FAF2: variants seen among roughly 807,000 people sequenced by gnomAD.
The protein encoded by FAF2 is Fas associated factor family member 2.
A neutral mutation model predicts 62.3 loss-of-function variants in FAF2; 9 were observed. That is an observed-to-expected ratio of 0.14 (90% CI 0.09 to 0.25). FAF2 has a LOEUF of 0.25. Ranked by LOEUF, FAF2 falls within the 10% of genes least tolerant of loss-of-function variation. FAF2 has a pLI of 1.00. For missense variants in FAF2, 368 were observed against 556.2 expected (o/e 0.66, Z 3.40); for synonymous variants, 202 against 198.0 (o/e 1.02, Z -0.17).
chr5:176,482,402 G>A (rs549251169), intron 2 of FAF2, among the ~76,000 whole-genome samples: 1 of 152,058 alleles, frequency 6.6e-6, no homozygotes, highest in East Asian at 1.9e-4. Context: ...TAGTAGAGGC[G>A]AGGTTTCTCC....
intron 2 of FAF2, among the ~76,000 whole-genome samples, chr5:176,485,447 C>G (rs1015272924): frequency 6.6e-6 from 1 of 152,164 alleles, no homozygotes; most frequent in South Asian, 2.1e-4. Context: ...AATCTAGTAA[C>G]AAAGACATGC....
chr5:176,488,130 AC>A (rs1758906165), intron 3 of FAF2, among the ~76,000 whole-genome samples: 1 of 152,158 alleles, frequency 6.6e-6, no homozygotes, highest in Non-Finnish European at 1.5e-5. Flanking sequence ...AGTGTGAGCC[AC>A]CACACCCAGC....
intron 1 of FAF2, among the ~76,000 whole-genome samples, chr5:176,476,895 C>T (rs1391653889): frequency 6.7e-6 from 1 of 149,928 alleles, no homozygotes; most frequent in Non-Finnish European, 1.5e-5. Context: ...CTGCAAGCTC[C>T]ACCTCCCTTG....
intron 1 of FAF2, among the ~76,000 whole-genome samples, chr5:176,460,787 C>T (rs1331671077): frequency 6.6e-6 from 1 of 151,846 alleles, no homozygotes; most frequent in Non-Finnish European, 1.5e-5. Flanking sequence ...CCCAACTGTA[C>T]CAAAAATCCA....
chr5:176,454,962 CAT>C (rs1313718700), intron 1 of FAF2, among the ~76,000 whole-genome samples: 2 of 152,142 alleles, frequency 1.3e-5, no homozygotes, highest in Non-Finnish European at 2.9e-5. Context: ...ATGTTTGTCA[CAT>C]GTGTTTAATT....
intron 8 of FAF2, 46 bp from the exon 9 acceptor site, chr5:176,498,868 T>C: frequency 6.8e-7 from 1 of 1,474,972 alleles, no homozygotes; most frequent in African/African-American, 1.4e-5. Context: ...ACACAGAACT[T>C]TGTGAGAGTG....
chr5:176,462,939 G>A (rs1365356825), intron 1 of FAF2, among the ~76,000 whole-genome samples: 1 of 152,168 alleles, frequency 6.6e-6, no homozygotes, highest in Non-Finnish European at 1.5e-5. Flanking sequence ...TCACAAAGAG[G>A]ATAACAGAAA....
intron 3 of FAF2, among the ~76,000 whole-genome samples, chr5:176,488,421 A>ATTTG (rs566803597): frequency 6.6e-6 from 1 of 152,046 alleles, no homozygotes; most frequent in South Asian, 2.1e-4. Context: ...TTTGGTTTTT[A>ATTTG]TTTGTTTGTT....
At chr5:176,475,767 T>TAA (rs776213068) in intron 1 of FAF2, among the ~76,000 whole-genome samples, 1 of 133,798 alleles carries the variant, frequency 7.5e-6, no homozygotes. Context: ...AGACTTCGTC[T>TAA]AAAAAAAAAA....
chr5:176,481,898 A>C (rs1169342801), intron 2 of FAF2, among the ~76,000 whole-genome samples: 9 of 152,184 alleles, frequency 5.9e-5, no homozygotes, highest in Non-Finnish European at 7.3e-5. Context: ...GCTGAGTCAT[A>C]TGGTGACACT....
chr5:176,486,238 C>T (rs1581069417), intron 2 of FAF2, 117 bp from the exon 3 acceptor site: 1 of 1,307,594 alleles, frequency 7.6e-7, no homozygotes, highest in East Asian at 2.4e-5. Flanking sequence ...CCTCAGTGAC[C>T]TTTTGGTGTA....
Position 176,464,699 on chromosome 5 carries a change from C to G in FAF2, c.64-14489C>G, listed in dbSNP as rs377668542. 1.3e-3 allele frequency among the ~76,000 whole-genome samples: 196 copies of G among 151,620 alleles called. 1 individual carries two copies. Among genetic ancestry groups the G allele is most frequent in the African/African-American group, 4.5e-3 (186 of 41,362 alleles). ...GTAGAGATGGGTCTCACTGTGTTGC[C>G]AGGCTGCCAAACTGATTCTAAGTGA... is the stretch of plus-strand genomic sequence containing the variant. On this transcript the variant is annotated intron_variant, in intron 1 of 10. Coordinates refer to ENST00000261942, the MANE Select transcript of FAF2 (RefSeq NM_014613.3).
chr5:176,481,000 TG>T (rs1248511273), intron 2 of FAF2, among the ~76,000 whole-genome samples: 9 of 152,104 alleles, frequency 5.9e-5, no homozygotes, highest in Admixed American at 5.9e-4. Context: ...GCATAGGAAA[TG>T]GAACAGAGGA....
intron 1 of FAF2, among the ~76,000 whole-genome samples, chr5:176,448,810 G>A (rs1758115515): frequency 6.6e-6 from 1 of 152,162 alleles, no homozygotes; most frequent in Non-Finnish European, 1.5e-5. Context: ...ATATCTGCCG[G>A]AGAAGCTTAG....
At chr5:176,476,190 C>G (rs1327404039) in intron 1 of FAF2, among the ~76,000 whole-genome samples, 1 of 151,920 alleles carries the variant, frequency 6.6e-6, no homozygotes, top group Non-Finnish European at 1.5e-5. Context: ...GAGCGGGAGA[C>G]AGAGGTTGCA....
intron 1 of FAF2, among the ~76,000 whole-genome samples, chr5:176,464,017 A>G (rs116476836): frequency 0.057 from 8,718 of 152,314 alleles, 356 homozygotes; most frequent in Non-Finnish European, 0.086. Context: ...GGCGTGAGCC[A>G]CTGTGCCGGG....
intron 1 of FAF2, chr5:176,453,287 C>T (rs1039193885): frequency 6.6e-6 from 1 of 152,174 alleles, no homozygotes; most frequent in East Asian, 1.9e-4. Context: ...ATATAGCAGA[C>T]TCTCCTAGTG....
chr5:176,464,142 A>G (rs939790530), intron 1 of FAF2, among the ~76,000 whole-genome samples: 1 of 151,998 alleles, frequency 6.6e-6, no homozygotes, highest in Non-Finnish European at 1.5e-5. Context: ...TTTTTTGTAG[A>G]GACAGGGTCT....
chr5:176,505,777 G>A (rs911212118), intron 10 of FAF2, among the ~76,000 whole-genome samples: 11 of 152,286 alleles, frequency 7.2e-5, no homozygotes, highest in African/African-American at 1.9e-4. Flanking sequence ...CAAGGTCGCT[G>A]TGAATGCCAT....
Sources: allele counts gnomAD v4.1 joint callset (sites outside exome capture counted in the v4.1 genomes callset), GRCh38; gene constraint gnomAD v4.1.1; transcripts MANE v1.5; gene names NCBI Gene and HGNC (gene_info 2026-07-23, HGNC 2026-07-21).